HTR1F: variants seen among roughly 807,000 people sequenced by gnomAD.
HTR1F encodes the protein 5-hydroxytryptamine (serotonin) receptor 1F, G protein-coupled.
In HTR1F, 17 loss-of-function variants were observed where a neutral mutation model predicts 24.0. The observed-to-expected ratio is 0.71, with a 90% confidence interval of 0.48 to 1.06. HTR1F has a LOEUF of 1.06. HTR1F is among the 50% of genes least tolerant of loss of function. The pLI, the probability that HTR1F is intolerant of heterozygous loss-of-function variation, is 0.00. For synonymous variants in HTR1F, 186 were observed against 156.8 expected (o/e 1.19, Z -1.39); for missense variants, 391 against 427.8 (o/e 0.91, Z 0.76).
intron 2 of HTR1F, among the ~76,000 whole-genome samples, chr3:87,979,556 C>A (rs1449709302): frequency 6.6e-6 from 1 of 152,200 alleles, no homozygotes; most frequent in Non-Finnish European, 1.5e-5. Context: ...CCTGGATGAG[C>A]CCCTAAAAAT....
At chr3:87,834,657 A>G (rs1450663845) in intron 2 of HTR1F, among the ~76,000 whole-genome samples, 2 of 152,226 alleles carry the variant, frequency 1.3e-5, no homozygotes, top group East Asian at 3.8e-4. Context: ...AGAAGTCTGC[A>G]AAGTATAACC....
chr3:87,877,470 ATTAC>A (rs1455813252), intron 2 of HTR1F, among the ~76,000 whole-genome samples: 1 of 152,154 alleles, frequency 6.6e-6, no homozygotes, highest in East Asian at 1.9e-4. Flanking sequence ...TACATGAGAA[ATTAC>A]TTAAGAAATT....
At chr3:87,821,249 A>C (rs1262731739) in intron 1 of HTR1F, among the ~76,000 whole-genome samples, 1 of 152,202 alleles carries the variant, frequency 6.6e-6, no homozygotes, top group Non-Finnish European at 1.5e-5. Flanking sequence ...TCAGAAACCC[A>C]TAAGTTATAT....
intron 2 of HTR1F, among the ~76,000 whole-genome samples, chr3:87,845,958 T>C (rs1266963836): frequency 3.9e-5 from 6 of 151,936 alleles, no homozygotes; most frequent in Admixed American, 3.9e-4. Context: ...TCCTAGTACT[T>C]AGCACACAAC....
At chr3:87,816,395 G>A (rs1328774894) in intron 1 of HTR1F, among the ~76,000 whole-genome samples, 1 of 151,932 alleles carries the variant, frequency 6.6e-6, no homozygotes, top group Non-Finnish European at 1.5e-5. Flanking sequence ...AGTACTTGGA[G>A]GTCAACCGGA....
chr3:87,876,661 A>T (rs1705678441), intron 2 of HTR1F, among the ~76,000 whole-genome samples: 1 of 152,230 alleles, frequency 6.6e-6, no homozygotes, highest in Non-Finnish European at 1.5e-5. Context: ...AAAGTAAAGT[A>T]GATGGTGCTA....
intron 2 of HTR1F, among the ~76,000 whole-genome samples, chr3:87,944,942 G>C (rs912708606): frequency 1.3e-5 from 2 of 152,186 alleles, no homozygotes; most frequent in Non-Finnish European, 2.9e-5. Context: ...GTGTTACAGG[G>C]TCACGGAGAA....
At chr3:87,931,268 A>G (rs1040929137) in intron 2 of HTR1F, among the ~76,000 whole-genome samples, 10 of 151,522 alleles carry the variant, frequency 6.6e-5, no homozygotes, top group African/African-American at 2.2e-4. Flanking sequence ...CTCATTGTTC[A>G]ATTCCCATCT....
intron 1 of HTR1F, among the ~76,000 whole-genome samples, chr3:87,806,758 G>A (rs1704080524): frequency 2.0e-5 from 3 of 151,960 alleles, no homozygotes; most frequent in Admixed American, 2.0e-4. Context: ...TTTCTTCTAA[G>A]AGTTTTATTG....
chr3:87,814,202 A>G (rs1158019), intron 1 of HTR1F, among the ~76,000 whole-genome samples: 20,770 of 152,058 alleles, frequency 0.14, 4,419 homozygotes, highest in African/African-American at 0.46. Context: ...TTGAATCCCA[A>G]CATCATAACC....
intron 2 of HTR1F, among the ~76,000 whole-genome samples, chr3:87,961,925 T>G (rs780933388): frequency 3.9e-5 from 6 of 152,030 alleles, no homozygotes; most frequent in Non-Finnish European, 7.4e-5. Context: ...CAATACATAT[T>G]TTTGTCAGTA....
intron 2 of HTR1F, among the ~76,000 whole-genome samples, chr3:87,957,658 A>G (rs548970307): frequency 5.3e-5 from 8 of 151,308 alleles, no homozygotes; most frequent in Non-Finnish European, 1.0e-4. Flanking sequence ...GAATTTGTCC[A>G]TTTAATCTAA....
chr3:87,937,068 C>T (rs991547209), intron 2 of HTR1F, among the ~76,000 whole-genome samples: 1 of 134,028 alleles, frequency 7.5e-6, no homozygotes, highest in African/African-American at 3.0e-5. Flanking sequence ...TGGTACCATC[C>T]CTGTTGAAAC....
At position 87,820,742 on chromosome 3, in the gene HTR1F, T is replaced by C. The variant is rs567512453; in HGVS notation, c.-159-1266T>C. 3.9e-5 allele frequency among the ~76,000 whole-genome samples: 6 copies of C among 152,240 alleles called. No individual in the cohort carries two copies. The South Asian group carries it at 1.2e-3, about 32-fold the overall frequency. ...TTAATAAATTTATTATGATTAGCATTACCAGTTTTCTTTCTTAATGGGGAA... is the reference window on the plus strand; with the variant it reads ...TTAATAAATTTATTATGATTAGCATCACCAGTTTTCTTTCTTAATGGGGAA... On this transcript the variant is annotated intron_variant, in intron 1 of 2. Coordinates refer to ENST00000319595, the MANE Select transcript of HTR1F (RefSeq NM_001322209.2).
At chr3:87,947,865 T>TAGA (rs1704746115) in intron 2 of HTR1F, among the ~76,000 whole-genome samples, 1 of 152,198 alleles carries the variant, frequency 6.6e-6, no homozygotes, top group Non-Finnish European at 1.5e-5. Context: ...ATATCTTTCT[T>TAGA]AACACACTCA....
At chr3:87,979,247 C>G (rs1705489661) in intron 2 of HTR1F, among the ~76,000 whole-genome samples, 1 of 152,084 alleles carries the variant, frequency 6.6e-6, no homozygotes, top group Non-Finnish European at 1.5e-5. Context: ...TAGCCTCAGC[C>G]AGATACCTTC....
At chr3:87,944,156 G>T (rs1327646759) in intron 2 of HTR1F, among the ~76,000 whole-genome samples, 4 of 152,144 alleles carry the variant, frequency 2.6e-5, no homozygotes, top group African/African-American at 9.7e-5. Flanking sequence ...GGATTCTAGT[G>T]GTCCTTTACT....
chr3:87,868,953 G>A (rs534878258), intron 2 of HTR1F, among the ~76,000 whole-genome samples: 5 of 151,516 alleles, frequency 3.3e-5, no homozygotes, highest in Non-Finnish European at 7.4e-5. Context: ...TTTAATATAA[G>A]GATTAACAAT....
intron 2 of HTR1F, among the ~76,000 whole-genome samples, chr3:87,866,126 C>T (rs1489766030): frequency 1.3e-5 from 2 of 152,120 alleles, no homozygotes; most frequent in Non-Finnish European, 2.9e-5. Context: ...AAATGAAAAA[C>T]ATTTTGTAAA....
Sources: allele counts gnomAD v4.1 joint callset (sites outside exome capture counted in the v4.1 genomes callset), GRCh38; gene constraint gnomAD v4.1.1; transcripts MANE v1.5; gene names NCBI Gene and HGNC (gene_info 2026-07-23, HGNC 2026-07-21).